Variants in JUP observed in about 807,000 individuals in gnomAD.
The protein encoded by JUP is catenin (cadherin-associated protein), gamma 80kDa.
JUP carries 28 observed loss-of-function variants against 71.1 expected under a neutral mutation model. That is an observed-to-expected ratio of 0.39 (90% CI 0.29 to 0.54). The LOEUF (loss-of-function observed/expected upper bound fraction) is 0.54. Among genes scored for constraint, JUP ranks in the 20% least tolerant of loss-of-function variants. The probability of loss-of-function intolerance (pLI) is 0.62; values close to 1 mark genes in which losing one functional copy is unlikely to be tolerated. For missense variants in JUP, 869 were observed against 1,030.1 expected (o/e 0.84, Z 2.14); for synonymous variants, 401 against 438.9 (o/e 0.91, Z 1.08).
At chr17:41,762,220 T>C (rs1300592658) in intron 8 of JUP, among the ~76,000 whole-genome samples, 2 of 150,038 alleles carry the variant, frequency 1.3e-5, no homozygotes, top group African/African-American at 4.9e-5. Context: ...AGATTGTTTA[T>C]TTGTTTGGGC....
intron 1 of JUP, among the ~76,000 whole-genome samples, chr17:41,783,374 C>T (rs946102840): frequency 1.3e-5 from 2 of 149,524 alleles, no homozygotes; most frequent in Non-Finnish European, 3.0e-5. Flanking sequence ...GCAGCCTTGA[C>T]TTCCCTGGGC....
intron 1 of JUP, chr17:41,772,328 A>T (rs926487761): frequency 6.5e-4 from 183 of 280,848 alleles, no homozygotes; most frequent in African/African-American, 3.6e-3. Context: ...CACCCAAGCC[A>T]TTGGGCAGGA....
chr17:41,761,993 C>T (rs907307571), intron 8 of JUP, among the ~76,000 whole-genome samples: 1 of 151,646 alleles, frequency 6.6e-6, no homozygotes, highest in Non-Finnish European at 1.5e-5. Flanking sequence ...CACTTGAACC[C>T]GGGAAGCAGA....
intron 1 of JUP, among the ~76,000 whole-genome samples, chr17:41,783,503 G>A (rs2047280100): frequency 6.6e-6 from 1 of 151,894 alleles, no homozygotes; most frequent in African/African-American, 2.4e-5. Context: ...TGCCCAGGCT[G>A]GTCTGGAACT....
intron 1 of JUP, among the ~76,000 whole-genome samples, chr17:41,785,568 TGGGGGAA>T (rs2047416307): frequency 6.6e-6 from 1 of 152,074 alleles, no homozygotes; most frequent in Non-Finnish European, 1.5e-5. Context: ...AGGGGCCGGC[TGGGGGAA>T]GGGGTTTTGC....
Position 41,755,493 on chromosome 17 carries a change from C to G in JUP, c.*251G>C. ...CTCGGTGGACCTGCATCCCCAGAAG[C>G]TCAAGCCACTCCGTGTCACCTGCCC... On this transcript the variant is annotated 3_prime_UTR_variant, in exon 14 of 14. Coordinates refer to ENST00000393931, the MANE Select transcript of JUP (RefSeq NM_002230.4). 6.8e-6 allele frequency: 3 copies of G among 438,150 alleles called. No homozygotes were observed. In the Admixed American group the frequency reaches 1.2e-4, roughly 17 times the overall value. 27.1% of individuals were successfully genotyped at this position (438,150 alleles called of 1,614,324 possible).
chr17:41,780,712 A>G (rs1265571793), intron 1 of JUP, among the ~76,000 whole-genome samples: 6 of 151,486 alleles, frequency 4.0e-5, no homozygotes, highest in African/African-American at 1.5e-4. Flanking sequence ...AAACCAAAAA[A>G]AAAAAAGAAA....
At chr17:41,779,063 C>T (rs1254021813) in intron 1 of JUP, among the ~76,000 whole-genome samples, 4 of 151,386 alleles carry the variant, frequency 2.6e-5, no homozygotes, top group African/African-American at 9.7e-5. Context: ...GGTGAAACCC[C>T]GTCTCTACTA....
At chr17:41,763,860 A>C (rs185423240) in intron 7 of JUP, among the ~76,000 whole-genome samples, 1 of 152,302 alleles carries the variant, frequency 6.6e-6, no homozygotes, top group Admixed American at 6.5e-5. Context: ...CACTTCTCCC[A>C]GGGAGACACG....
At chr17:41,781,983 C>T (rs1364569751) in intron 1 of JUP, among the ~76,000 whole-genome samples, 3 of 152,202 alleles carry the variant, frequency 2.0e-5, no homozygotes, top group South Asian at 4.1e-4. Flanking sequence ...TCTTCTCTGT[C>T]TCAAGTCCCA....
intron 1 of JUP, 140 bp from the exon 2 acceptor site, chr17:41,772,002 G>T: frequency 1.2e-6 from 1 of 834,350 alleles, no homozygotes; most frequent in Non-Finnish European, 2.0e-6. Context: ...GGCTGGGGAT[G>T]GGGGGACTGC....
chr17:41,775,294 G>A (rs781895999), intron 1 of JUP, among the ~76,000 whole-genome samples: 1 of 152,150 alleles, frequency 6.6e-6, no homozygotes, highest in South Asian at 2.1e-4. Context: ...AGTTCAGAGA[G>A]AGGACACACT....
At position 41,769,675 on chromosome 17, in the gene JUP, C is replaced by G; in HGVS notation, c.211G>C (p.Asp71His). ...YTQGVPPSQG[D>H]LEYQMSTTAR... ...GTTGTGGACATCTGGTACTCCAGAT[C>G]ACCTGGGGGCCATGGGGACAGGGAC... The change falls in exon 3 of 14, where the codon GAT becomes CAT. Residue 71 changes from aspartate (D) to histidine (H), a missense_variant and splice_region_variant. Physicochemically the swap from Asp to His is moderately conservative, Grantham distance 81 (BLOSUM62 -1). Coordinates refer to ENST00000393931, the MANE Select transcript of JUP (RefSeq NM_002230.4). The G allele has an allele frequency of 6.2e-7, 1 of 1,607,584 alleles. No homozygotes were observed. Among genetic ancestry groups the G allele is most frequent in the South Asian group, 1.1e-5 (1 of 89,480 alleles).
intron 1 of JUP, chr17:41,773,003 T>C (rs1257934070): frequency 2.0e-6 from 2 of 985,380 alleles, no homozygotes; most frequent in African/African-American, 1.7e-5. Context: ...GTCATGCTCA[T>C]GGGCGGGTTT....
In JUP at chr17:41,758,458, G is replaced by A. The variant is rs559297418; in HGVS notation, c.1714C>T (p.Arg572Trp). 1.4e-5 allele frequency: 22 copies of A among 1,614,030 alleles called. No individual in the cohort carries two copies. The highest frequency in any genetic ancestry group is 8.0e-5 in the African/African-American group (6 of 75,022). The change falls in exon 10 of 14, where the codon CGG (arginine) becomes TGG (tryptophan). Residue 572 changes from arginine to tryptophan, a missense_variant. Transcript: ENST00000393931. Reference sequence around the variant, plus strand: ...ATCTCCATGCGGTTCATGGGGTCCCGGGCGAGGATGTGCAGTGCTCCGGTG... The same window carrying A: ...ATCTCCATGCGGTTCATGGGGTCCCAGGCGAGGATGTGCAGTGCTCCGGTG... ...GCTGALHILA[R>W]DPMNRMEIFR...
intron 12 of JUP, 42 bp downstream of exon 12, chr17:41,757,373 A>C (rs782124206): frequency 3.7e-6 from 6 of 1,613,462 alleles, no homozygotes; most frequent in Non-Finnish European, 5.1e-6. Flanking sequence ...GCAGTGCCCA[A>C]CTTGCACAAC....
At chr17:41,784,744 C>T (rs2047363299) in intron 1 of JUP, among the ~76,000 whole-genome samples, 1 of 152,062 alleles carries the variant, frequency 6.6e-6, no homozygotes, top group South Asian at 2.1e-4. Flanking sequence ...CAGCCTCACT[C>T]CCCCATCTAC....
At chr17:41,759,370 C>T (rs1159745134) in intron 8 of JUP, among the ~76,000 whole-genome samples, 5 of 152,052 alleles carry the variant, frequency 3.3e-5, no homozygotes, top group Admixed American at 6.6e-5. Flanking sequence ...CTACCACGTC[C>T]GGCTGCTCAT....
chr17:41,758,565 G>T, intron 9 of JUP, 47 bp from the exon 10 acceptor site: 2 of 1,594,752 alleles, frequency 1.3e-6, no homozygotes. Context: ...CTTGGACATG[G>T]CCACAACTCC....
Sources: gnomAD v4.1 joint callset for allele counts (sites outside exome capture counted in the v4.1 genomes callset) on GRCh38, gnomAD v4.1.1 for gene constraint, MANE v1.5 for transcripts, NCBI Gene and HGNC (gene_info 2026-07-23, HGNC 2026-07-21) for gene names.